Variants in EGFL6 observed in about 807,000 individuals in gnomAD.
The protein encoded by EGFL6 is EGF like domain multiple 6, also known as epidermal growth factor-like protein 6.
In EGFL6, 42 loss-of-function variants were observed where a neutral mutation model predicts 43.1. The observed-to-expected ratio is 0.98, with a 90% confidence interval of 0.76 to 1.26. The LOEUF (loss-of-function observed/expected upper bound fraction) is 1.26, where lower values mean the gene tolerates loss of function less well. EGFL6 is among the 50% of genes most tolerant of loss of function. EGFL6 has a pLI of 0.00. For missense variants in EGFL6, 429 were observed against 427.8 expected (o/e 1.00, Z -0.02); for synonymous variants, 164 against 163.2 (o/e 1.01, Z -0.04).
intron 3 of EGFL6, 43 bp from the exon 4 acceptor site, chrX:13,599,932 C>A (rs2045622256): frequency 3.3e-6 from 4 of 1,199,464 alleles, no homozygotes; most frequent in Non-Finnish European, 4.5e-6. Flanking sequence ...TGGAAGTTTC[C>A]TGATTCAGTT....
intron 3 of EGFL6, among the ~76,000 whole-genome samples, chrX:13,597,817 TC>T (rs1297986040): frequency 8.9e-6 from 1 of 111,876 alleles, no homozygotes; most frequent in African/African-American, 3.3e-5. Context: ...AAGTAATAAT[TC>T]AGCTATACCC....
chrX:13,577,031 C>T (rs2045475292), intron 1 of EGFL6, among the ~76,000 whole-genome samples: 1 of 110,222 alleles, frequency 9.1e-6, no homozygotes. Context: ...CAGTTTAATG[C>T]AACATTAACT....
intron 1 of EGFL6, among the ~76,000 whole-genome samples, chrX:13,571,567 GC>G (rs770300855): frequency 8.1e-5 from 9 of 111,754 alleles, no homozygotes; most frequent in Non-Finnish European, 1.5e-4. Context: ...TTAGCGGCCA[GC>G]AAACTGACCT....
rs1234581756 is a variant in EGFL6 at position 13,594,875 on chromosome X, G to T, written c.227G>T (p.Gly76Val). ...EPGCKFGECV[G>V]PNKCRCFPGY... The stretch of plus-strand genomic sequence containing the variant: ...GGATGTAAGTTTGGTGAGTGCGTGG[G>T]ACCAAACAAATGCAGATGCTTTCCA... Residue 76 changes from glycine to valine, a missense_variant, in exon 3 of 12, where the codon GGA becomes GTA. By Grantham distance (109) the Gly-to-Val change is moderately radical. Coordinates refer to ENST00000361306, the MANE Select transcript of EGFL6 (RefSeq NM_015507.4). 2 of 1,210,801 alleles carry T rather than the reference G, an allele frequency of 1.7e-6. No individual in the cohort carries two copies. Among genetic ancestry groups the T allele is most frequent in the Non-Finnish European group, 2.2e-6 (2 of 894,948 alleles).
At chrX:13,592,312 C>A (rs940678117) in intron 2 of EGFL6, among the ~76,000 whole-genome samples, 2 of 111,614 alleles carry the variant, frequency 1.8e-5, no homozygotes, top group Non-Finnish European at 3.8e-5. Context: ...AAATTAAATT[C>A]TCTCTCTTTT....
intron 2 of EGFL6, among the ~76,000 whole-genome samples, chrX:13,591,008 C>T (rs184457568): frequency 4.0e-4 from 45 of 111,503 alleles, no homozygotes; most frequent in African/African-American, 1.5e-3. Context: ...CCTCTGCAAC[C>T]TGGAGAGAGC....
Position 13,592,264 on chromosome X carries a change from C to G in EGFL6, c.188-2572C>G, listed in dbSNP as rs865935264. ...TTTCTAACATCTGAATTTAAAGTTG[C>G]AACTCCAAGTACATATCCATAACAA... On this transcript the variant is annotated intron_variant, in intron 2 of 11. Coordinates refer to ENST00000361306, the MANE Select transcript of EGFL6 (RefSeq NM_015507.4). Among the ~76,000 whole-genome samples, 90 of 109,083 alleles carry G rather than the reference C, an allele frequency of 8.3e-4. No homozygotes were observed. The Middle Eastern group carries it at 0.019, about 23-fold the overall frequency. The allele number at this position is 109,083 out of a possible 115,157, so 94.7% of individuals were successfully genotyped here.
chrX:13,625,422 CAGCACTTTGGG>C (rs1374867703), intron 10 of EGFL6, among the ~76,000 whole-genome samples: 3 of 111,001 alleles, frequency 2.7e-5, no homozygotes, highest in African/African-American at 6.6e-5. Flanking sequence ...TATGTAATCC[CAGCACTTTGGG>C]AGCACTTTGG....
intron 1 of EGFL6, among the ~76,000 whole-genome samples, chrX:13,582,398 A>G (rs908798909): frequency 1.8e-5 from 2 of 111,110 alleles, no homozygotes; most frequent in Non-Finnish European, 3.8e-5. Context: ...TTTTTTAACA[A>G]ATGAGAGTGA....
intron 2 of EGFL6, among the ~76,000 whole-genome samples, chrX:13,593,153 G>A (rs12688255): frequency 0.17 from 18,124 of 109,722 alleles, 1,151 homozygotes; most frequent in South Asian, 0.27. Flanking sequence ...GACCTCAGGT[G>A]ATCCACCCTC....
chrX:13,625,381 A>AG (rs1256133061), intron 10 of EGFL6: 1 of 110,790 alleles, frequency 9.0e-6, no homozygotes, highest in African/African-American at 3.3e-5. Flanking sequence ...CAAAAAATTG[A>AG]AAAAAAATAG....
chrX:13,610,457 G>A (rs895908903), intron 7 of EGFL6, among the ~76,000 whole-genome samples: 1 of 111,386 alleles, frequency 9.0e-6, no homozygotes, highest in African/African-American at 3.3e-5. Context: ...ACCACTTAGT[G>A]TCCAGCAACT....
At chrX:13,627,374 G>A in intron 11 of EGFL6, 98 bp downstream of exon 11, 6 of 1,037,947 alleles carry the variant, frequency 5.8e-6, no homozygotes, top group Non-Finnish European at 7.8e-6. Context: ...AGGCATTAAG[G>A]ATACAACGAT....
In EGFL6 at chrX:13,594,739, G is replaced by A. The variant is rs768087025; in HGVS notation, c.188-97G>A. On this transcript the variant is annotated intron_variant, in intron 2 of 11. Transcript: ENST00000361306. Reference sequence around the variant, plus strand: ...CAGATTGTCCTCTGTATGTCCCCATGGAGTTCTCTGCCACACAGAACGCAG... The same window carrying A: ...CAGATTGTCCTCTGTATGTCCCCATAGAGTTCTCTGCCACACAGAACGCAG... The A allele has an allele frequency of 3.1e-4, 211 of 685,531 alleles. No individual in the cohort carries two copies. In the African/African-American group the frequency reaches 4.1e-3, roughly 13 times the overall value. The allele number at this position is 685,531 out of a possible 1,213,427, so 56.5% of individuals were successfully genotyped here.
intron 1 of EGFL6, among the ~76,000 whole-genome samples, chrX:13,584,701 A>G (rs951852371): frequency 8.9e-6 from 1 of 112,070 alleles, no homozygotes; most frequent in Non-Finnish European, 1.9e-5. Context: ...GACGCTCTAT[A>G]TCCAATCGAC....
intron 5 of EGFL6, among the ~76,000 whole-genome samples, chrX:13,606,068 T>C (rs1002451941): frequency 8.9e-6 from 1 of 112,089 alleles, no homozygotes; most frequent in African/African-American, 3.2e-5. Flanking sequence ...ACGTAATGTA[T>C]AGGTACCAAG....
At chrX:13,615,642 G>T (rs902459183) in intron 7 of EGFL6, among the ~76,000 whole-genome samples, 1 of 112,310 alleles carries the variant, frequency 8.9e-6, no homozygotes, top group Non-Finnish European at 1.9e-5. Context: ...GTGCTTGTTG[G>T]TTTTCTACCT....
chrX:13,600,044 A>C lies in EGFL6; in HGVS notation c.350A>C (p.Lys117Thr), dbSNP rs779723694. The stretch of plus-strand genomic sequence containing the variant: ...TGTGTGAATACACACGGAAGCTACA[A>C]GTGCTTTTGCCTCAGTGGCCACATG... ...HRCVNTHGSY[K>T]CFCLSGHMLM... is the part of the protein sequence containing the mutation. The change falls in exon 4 of 12, where the codon AAG becomes ACG. Residue 117 changes from lysine (K) to threonine (T), a missense_variant. By Grantham distance (78) the Lys-to-Thr change is moderately conservative. Coordinates refer to ENST00000361306, the MANE Select transcript of EGFL6 (RefSeq NM_015507.4). The C allele has an allele frequency of 4.1e-6, 5 of 1,209,590 alleles. No homozygotes were observed. In the African/African-American group the frequency reaches 7.0e-5, roughly 17 times the overall value.
chrX:13,580,443 A>G (rs2045499308), intron 1 of EGFL6, among the ~76,000 whole-genome samples: 1 of 111,215 alleles, frequency 9.0e-6, no homozygotes, highest in Admixed American at 9.5e-5. Flanking sequence ...GCTTCCCTCC[A>G]CTTCACCCTT....
Sources: gnomAD v4.1 joint callset for allele counts (sites outside exome capture counted in the v4.1 genomes callset) on GRCh38, gnomAD v4.1.1 for gene constraint, MANE v1.5 for transcripts, NCBI Gene and HGNC (gene_info 2026-07-23, HGNC 2026-07-21) for gene names.